HPCAL1: variants seen among roughly 807,000 people sequenced by gnomAD.
HPCAL1 encodes hippocalcin like 1, also known as hippocalcin-like protein 1.
HPCAL1 carries 8 observed loss-of-function variants against 17.1 expected under a neutral mutation model. That is an observed-to-expected ratio of 0.47 (90% CI 0.27 to 0.84). The LOEUF (loss-of-function observed/expected upper bound fraction) is 0.84. Ranked by LOEUF, HPCAL1 falls within the 40% of genes least tolerant of loss-of-function variation. The pLI is 0.13. For synonymous variants in HPCAL1, 112 were observed against 111.4 expected (o/e 1.01, Z -0.03); for missense variants, 165 against 271.1 (o/e 0.61, Z 2.75).
rs550275549 is a variant in HPCAL1 at position 10,325,877 on chromosome 2, A to C, written c.-111+22700A>C. On this transcript the variant is annotated intron_variant, in intron 1 of 4. Transcript: ENST00000307845. The stretch of plus-strand genomic sequence containing the variant: ...GGCACCATGGCCATTTCCTTGCTGC[A>C]TGGGAGCCGCTGGCCTTTTTCCACT... Among the ~76,000 whole-genome samples, 19 of 152,308 alleles carry C rather than the reference A, an allele frequency of 1.2e-4. No individual in the cohort carries two copies. In the Middle Eastern group the frequency reaches 0.014, roughly 110 times the overall value.
At chr2:10,373,986 G>A (rs1474705052) in intron 1 of HPCAL1, among the ~76,000 whole-genome samples, 2 of 152,224 alleles carry the variant, frequency 1.3e-5, no homozygotes, top group African/African-American at 2.4e-5. Context: ...GGGCCTCTGG[G>A]AAAGTCCGTC....
chr2:10,415,583 T>G (rs1453523554), intron 2 of HPCAL1, among the ~76,000 whole-genome samples: 1 of 152,180 alleles, frequency 6.6e-6, no homozygotes, highest in Non-Finnish European at 1.5e-5. Context: ...TTTTGTTCAC[T>G]GCCCACACTC....
chr2:10,392,771 G>T (rs2125565432), intron 1 of HPCAL1, among the ~76,000 whole-genome samples: 1 of 152,316 alleles, frequency 6.6e-6, no homozygotes, highest in South Asian at 2.1e-4. Context: ...CAGCCATGCA[G>T]CCCCTGGCCT....
In HPCAL1 at chr2:10,395,504, AC is replaced by A. The variant is rs1334314742; in HGVS notation, c.-110-1326del. On this transcript the variant is annotated intron_variant, in intron 1 of 4. Coordinates refer to ENST00000307845, the MANE Select transcript of HPCAL1 (RefSeq NM_002149.4). The surrounding 1 kb of genome is among the most constrained non-coding windows in gnomAD (Gnocchi z 4.4). The stretch of plus-strand genomic sequence containing the variant: ...GGTGGAAGGAGGGGAGAGGTGCAGC[AC>A]CCCCATTGTGCAGGAGCGAGGGGAG... Among the ~76,000 whole-genome samples, 2 of 151,716 alleles carry A rather than the reference AC, an allele frequency of 1.3e-5. No individual in the cohort carries two copies. Among genetic ancestry groups the A allele is most frequent in the Non-Finnish European group, 2.9e-5 (2 of 67,894 alleles).
intron 1 of HPCAL1, among the ~76,000 whole-genome samples, chr2:10,372,568 C>T (rs1233326520): frequency 6.6e-6 from 1 of 152,182 alleles, no homozygotes; most frequent in Non-Finnish European, 1.5e-5. Context: ...GTGGCGTCAC[C>T]AAGGCAGAAC....
chr2:10,364,154 A>T (rs1030658712), intron 1 of HPCAL1, among the ~76,000 whole-genome samples: 4 of 152,202 alleles, frequency 2.6e-5, no homozygotes, highest in Non-Finnish European at 5.9e-5. Flanking sequence ...CTGGGTGCAC[A>T]GGCTCCCAGC....
In HPCAL1 at chr2:10,365,105, CT is replaced by C. The variant is rs1468383480; in HGVS notation, c.-110-31729del. Among the ~76,000 whole-genome samples the C allele has an allele frequency of 2.6e-5, 4 of 152,202 alleles. No individual in the cohort carries two copies. Among genetic ancestry groups the C allele is most frequent in the African/African-American group, 7.2e-5 (3 of 41,452 alleles). ...CTTGGTGGAAGGGATTCATGTACCC[CT>C]ATCCCCATCCCTAAATGAGAGTGTC... On this transcript the variant is annotated intron_variant, in intron 1 of 4. Transcript: ENST00000307845. The surrounding 1 kb of genome is among the most constrained non-coding windows in gnomAD (Gnocchi z 4.8).
intron 1 of HPCAL1, among the ~76,000 whole-genome samples, chr2:10,320,237 C>A (rs1298302685): frequency 2.0e-5 from 3 of 152,094 alleles, no homozygotes; most frequent in Non-Finnish European, 4.4e-5. Context: ...TTAGGGCCTC[C>A]CCACGGACAT....
At chr2:10,401,106 A>G (rs1171041558) in intron 2 of HPCAL1, among the ~76,000 whole-genome samples, 2 of 151,438 alleles carry the variant, frequency 1.3e-5, no homozygotes, top group African/African-American at 4.9e-5. Flanking sequence ...GCACAAGGAC[A>G]CTCCCCTGAC....
chr2:10,371,986 G>GT (rs1553350247), intron 1 of HPCAL1, among the ~76,000 whole-genome samples: 1 of 152,234 alleles, frequency 6.6e-6, no homozygotes, highest in Non-Finnish European at 1.5e-5. Context: ...CTTAGAGGGT[G>GT]TTTCACATCC....
At chr2:10,391,625 C>A (rs1384572936) in intron 1 of HPCAL1, among the ~76,000 whole-genome samples, 1 of 152,220 alleles carries the variant, frequency 6.6e-6, no homozygotes, top group Non-Finnish European at 1.5e-5. Flanking sequence ...CTTTCCCCAT[C>A]CGCTCTTCTG....
intron 1 of HPCAL1, among the ~76,000 whole-genome samples, chr2:10,327,679 A>C (rs528848181): frequency 6.6e-6 from 1 of 152,260 alleles, no homozygotes; most frequent in South Asian, 2.1e-4. Context: ...TTTTAAGACT[A>C]GGTTGGGAAC....
At chr2:10,385,781 C>T (rs566555058) in intron 1 of HPCAL1, among the ~76,000 whole-genome samples, 3 of 152,144 alleles carry the variant, frequency 2.0e-5, no homozygotes, top group Non-Finnish European at 2.9e-5. Flanking sequence ...CATCTGCAGC[C>T]GAGCCCCCAC....
intron 2 of HPCAL1, among the ~76,000 whole-genome samples, chr2:10,416,462 C>T (rs1301702802): frequency 2.6e-5 from 4 of 152,148 alleles, no homozygotes; most frequent in South Asian, 4.1e-4. Flanking sequence ...CAGCAGAATC[C>T]AGAGGGAGCC....
At chr2:10,375,320 T>C (rs1274460089) in intron 1 of HPCAL1, among the ~76,000 whole-genome samples, 1 of 152,238 alleles carries the variant, frequency 6.6e-6, no homozygotes, top group African/African-American at 2.4e-5. Context: ...TACCTAGAAT[T>C]CACCAGGCAG....
chr2:10,307,902 C>T (rs916813111), intron 1 of HPCAL1, among the ~76,000 whole-genome samples: 1 of 152,218 alleles, frequency 6.6e-6, no homozygotes, highest in Non-Finnish European at 1.5e-5. Context: ...CCCCACCAAA[C>T]CTTGGTTTGT....
chr2:10,399,351 AT>A (rs1669342808), intron 2 of HPCAL1, among the ~76,000 whole-genome samples: 1 of 110,066 alleles, frequency 9.1e-6, no homozygotes, highest in Non-Finnish European at 1.9e-5. Context: ...CACCACCACC[AT>A]CACCACCACT....
intron 1 of HPCAL1, among the ~76,000 whole-genome samples, chr2:10,308,167 G>A (rs1291605036): frequency 6.6e-6 from 1 of 152,098 alleles, no homozygotes; most frequent in Non-Finnish European, 1.5e-5. Flanking sequence ...GGGTGCAGGG[G>A]AGGGGTTGGA....
At chr2:10,329,788 C>T (rs1664244117) in intron 1 of HPCAL1, among the ~76,000 whole-genome samples, 1 of 152,250 alleles carries the variant, frequency 6.6e-6, no homozygotes, top group Non-Finnish European at 1.5e-5. Context: ...GGTTGGGGCT[C>T]CCAGCTGCAG....
Sources: allele counts gnomAD v4.1 joint callset (sites outside exome capture counted in the v4.1 genomes callset), GRCh38; gene constraint gnomAD v4.1.1; non-coding constraint Gnocchi (gnomAD v3.1); transcripts MANE v1.5; gene names NCBI Gene and HGNC (gene_info 2026-07-23, HGNC 2026-07-21).